DYM: variants seen among roughly 807,000 people sequenced by gnomAD.
DYM encodes dymeclin.
A neutral mutation model predicts 93.1 loss-of-function variants in DYM; 78 were observed. The observed-to-expected ratio is 0.84, with a 90% CI of 0.70 to 1.01. The LOEUF (loss-of-function observed/expected upper bound fraction) is 1.01, where lower values mean the gene tolerates loss of function less well. DYM is among the 50% of genes least tolerant of loss of function. DYM has a pLI of 0.00. For synonymous variants in DYM, 321 were observed against 319.7 expected, an observed-to-expected ratio of 1.00 and a Z score of -0.04; for missense variants, 789 against 845.0, an observed-to-expected ratio of 0.93 and a Z score of 0.82.
intron 10 of DYM, among the ~76,000 whole-genome samples, chr18:49,278,310 C>T (rs187569813): frequency 5.9e-4 from 90 of 152,222 alleles, no homozygotes; most frequent in Admixed American, 2.1e-3. Flanking sequence ...TGCATATCTG[C>T]GATATTGTGC....
At chr18:49,389,972 G>A (rs1451676312) in intron 3 of DYM, among the ~76,000 whole-genome samples, 1 of 151,860 alleles carries the variant, frequency 6.6e-6, no homozygotes, top group Non-Finnish European at 1.5e-5. Context: ...CACTAATATT[G>A]TTACATAAAA....
At chr18:49,349,148 C>T (rs1476493199) in intron 6 of DYM, among the ~76,000 whole-genome samples, 5 of 152,110 alleles carry the variant, frequency 3.3e-5, no homozygotes, top group Admixed American at 1.3e-4. Flanking sequence ...GCGGAGGTTG[C>T]AGTGAGCCAA....
At chr18:49,226,834 T>C (rs2093550713) in intron 13 of DYM, among the ~76,000 whole-genome samples, 1 of 152,092 alleles carries the variant, frequency 6.6e-6, no homozygotes, top group Non-Finnish European at 1.5e-5. Flanking sequence ...GGGAATGCAG[T>C]TGACTAAAGG....
chr18:49,224,010 T>C (rs1374705963), intron 13 of DYM, among the ~76,000 whole-genome samples: 2 of 152,068 alleles, frequency 1.3e-5, no homozygotes, highest in African/African-American at 4.8e-5. Context: ...TGGAGACTGA[T>C]GAAGCAAGAG....
At chr18:49,221,525 G>A (rs908487590) in intron 13 of DYM, among the ~76,000 whole-genome samples, 7 of 152,116 alleles carry the variant, frequency 4.6e-5, no homozygotes, top group African/African-American at 1.7e-4. Flanking sequence ...AACAATGATA[G>A]ACTGGATTAA....
At chr18:49,129,757 C>T (rs1054503877) in intron 15 of DYM, among the ~76,000 whole-genome samples, 2 of 152,086 alleles carry the variant, frequency 1.3e-5, no homozygotes, top group African/African-American at 4.8e-5. Flanking sequence ...CTGCTGGGGG[C>T]AGGCTCCAAG....
chr18:49,382,892 C>A lies in DYM; in HGVS notation c.194-3134G>T, dbSNP rs148436236. Among the ~76,000 whole-genome samples, 8 of 152,296 alleles carry A rather than the reference C, an allele frequency of 5.3e-5. No homozygotes were observed. In the East Asian group the frequency reaches 1.5e-3, roughly 29 times the overall value. On this transcript the variant is annotated intron_variant, in intron 3 of 17. Coordinates refer to ENST00000675505, the MANE Select transcript of DYM (RefSeq NM_001353214.3). ...GATAAGGGTATTGTAGACAGGATTT[C>A]TGTTTGAGATGAGAGATTAAATTTG...
intron 8 of DYM, among the ~76,000 whole-genome samples, chr18:49,298,568 C>G (rs570642579): frequency 5.4e-5 from 7 of 130,134 alleles, no homozygotes; most frequent in Non-Finnish European, 8.0e-5. Context: ...GTGACAAGAG[C>G]GAAACTCCGT....
At chr18:49,287,318 C>T (rs1199067832) in intron 8 of DYM, among the ~76,000 whole-genome samples, 1 of 150,164 alleles carries the variant, frequency 6.7e-6, no homozygotes, top group Non-Finnish European at 1.5e-5. Context: ...AGAGTTTCCA[C>T]ATTTTCATAT....
chr18:49,100,702 A>G (rs1428629749), intron 16 of DYM, among the ~76,000 whole-genome samples: 4 of 152,214 alleles, frequency 2.6e-5, no homozygotes, highest in South Asian at 2.1e-4. Context: ...AATGTTTATC[A>G]TGGACTGTGT....
intron 14 of DYM, among the ~76,000 whole-genome samples, chr18:49,177,783 T>A (rs1055731052): frequency 6.6e-6 from 1 of 152,136 alleles, no homozygotes; most frequent in Non-Finnish European, 1.5e-5. Context: ...GGCACAGATG[T>A]CCATTCCTCT....
At chr18:49,373,951 C>T (rs999930532) in intron 5 of DYM, among the ~76,000 whole-genome samples, 8 of 152,080 alleles carry the variant, frequency 5.3e-5, no homozygotes, top group African/African-American at 1.2e-4. Context: ...AACTAACACA[C>T]GCAAGACACA....
chr18:49,303,833 G>C (rs889884820), intron 8 of DYM, among the ~76,000 whole-genome samples: 4 of 152,062 alleles, frequency 2.6e-5, no homozygotes, highest in Non-Finnish European at 4.4e-5. Context: ...ATGAATTATG[G>C]GATATTGCAT....
rs993469876 is a variant in DYM, at chr18:49,111,191, CT to C, written c.1911+7552del. On this transcript the variant is annotated intron_variant, in intron 16 of 17. Coordinates refer to ENST00000675505, the MANE Select transcript of DYM (RefSeq NM_001353214.3). ...AATATAGTTTCTGTAACATATTCTT[CT>C]TTTTTTTTTTTAAACAACCCTTTAA... is the stretch of plus-strand genomic sequence containing the variant. Among the ~76,000 whole-genome samples, 324 of 149,676 alleles carry C rather than the reference CT, an allele frequency of 2.2e-3. 1 individual carries two copies. Among genetic ancestry groups the C allele is most frequent in the African/African-American group, 6.3e-3 (256 of 40,414 alleles).
intron 2 of DYM, among the ~76,000 whole-genome samples, chr18:49,423,211 A>T (rs1314329045): frequency 6.6e-6 from 1 of 152,242 alleles, no homozygotes; most frequent in Non-Finnish European, 1.5e-5. Context: ...ACCACAGTGC[A>T]ACCAAACTAG....
intron 10 of DYM, among the ~76,000 whole-genome samples, chr18:49,274,191 C>T (rs1328777060): frequency 4.0e-5 from 6 of 150,864 alleles, no homozygotes; most frequent in Admixed American, 2.6e-4. Context: ...CCCAAAGGAA[C>T]CACTTTCTGT....
chr18:49,141,690 G>A (rs528971050), intron 15 of DYM, among the ~76,000 whole-genome samples: 1 of 152,024 alleles, frequency 6.6e-6, no homozygotes. Context: ...GGATTCTTGC[G>A]ATTCTCTTGC....
intron 1 of DYM, among the ~76,000 whole-genome samples, chr18:49,444,737 G>A (rs929393962): frequency 6.6e-6 from 1 of 152,180 alleles, no homozygotes; most frequent in African/African-American, 2.4e-5. Context: ...TGATTAGTCT[G>A]CAGTGTAATG....
intron 11 of DYM, among the ~76,000 whole-genome samples, chr18:49,271,397 G>A (rs1788118): frequency 0.16 from 24,022 of 152,088 alleles, 2,662 homozygotes; most frequent in East Asian, 0.33. Context: ...TCTGTGTGCC[G>A]ACAAGCGTGC....
Sources: gnomAD v4.1 joint callset for allele counts (sites outside exome capture counted in the v4.1 genomes callset) on GRCh38, gnomAD v4.1.1 for gene constraint, MANE v1.5 for transcripts, NCBI Gene and HGNC (gene_info 2026-07-23, HGNC 2026-07-21) for gene names.